FBXW8: variants seen among roughly 807,000 people sequenced by gnomAD.
FBXW8 encodes F-box/WD repeat-containing protein 8.
A neutral mutation model predicts 65.3 loss-of-function variants in FBXW8; 57 were observed. The ratio of observed to expected loss-of-function variants is 0.87; its 90% confidence interval spans 0.71 to 1.09. FBXW8 has a LOEUF of 1.09. FBXW8 is among the 50% of genes least tolerant of loss of function. The pLI, the probability that FBXW8 is intolerant of heterozygous loss-of-function variation, is 0.00. For missense variants in FBXW8, 777 were observed against 814.8 expected, an observed-to-expected ratio of 0.95 and a Z score of 0.57; for synonymous variants, 308 against 330.2, an observed-to-expected ratio of 0.93 and a Z score of 0.73.
chr12:116,926,952 T>C (rs1342354059), intron 1 of FBXW8, among the ~76,000 whole-genome samples: 2 of 152,084 alleles, frequency 1.3e-5, no homozygotes, highest in African/African-American at 4.8e-5. Context: ...TTTTTTTTTG[T>C]TTTGAGACAG....
At position 116,992,441 on chromosome 12, in the gene FBXW8, G is replaced by A. The variant is rs11068279; in HGVS notation, c.1239+3572G>A. 8.8e-3 allele frequency among the ~76,000 whole-genome samples: 1,280 copies of A among 146,082 alleles called. 57 individuals are homozygous for A. The South Asian group carries it at 0.11, about 12-fold the overall frequency. On this transcript the variant is annotated intron_variant, in intron 7 of 10. Transcript: ENST00000652555. ...CAGAGTTTTGTTTTTTTTTTAATTC[G>A]TTCTATTTCAGTAGCTTTAGAGGGG...
chr12:116,958,625 G>A (rs1345430305), intron 4 of FBXW8, among the ~76,000 whole-genome samples: 1 of 152,196 alleles, frequency 6.6e-6, no homozygotes, highest in Non-Finnish European at 1.5e-5. Context: ...AGAACACTCT[G>A]GGAGGTGTTA....
At chr12:116,926,283 G>T (rs1441087108) in intron 1 of FBXW8, among the ~76,000 whole-genome samples, 2 of 152,154 alleles carry the variant, frequency 1.3e-5, no homozygotes, top group African/African-American at 4.8e-5. Context: ...GCTTTTCCTT[G>T]CCTTTGTTCT....
At chr12:116,918,900 A>G (rs1188001073) in intron 1 of FBXW8, among the ~76,000 whole-genome samples, 1 of 152,214 alleles carries the variant, frequency 6.6e-6, no homozygotes. Context: ...TCCACTGGAG[A>G]TACATTTCAA....
At chr12:116,999,724 C>G (rs1953465049) in intron 7 of FBXW8, among the ~76,000 whole-genome samples, 2 of 152,146 alleles carry the variant, frequency 1.3e-5, no homozygotes, top group African/African-American at 4.8e-5. Context: ...GAGTCAGGCC[C>G]CATCTTAGCT....
intron 7 of FBXW8, among the ~76,000 whole-genome samples, chr12:116,995,399 G>A (rs1376982688): frequency 6.6e-6 from 1 of 152,190 alleles, no homozygotes; most frequent in Non-Finnish European, 1.5e-5. Context: ...TGGCTGTGGA[G>A]TTGTGTTGAG....
At chr12:116,970,286 T>A (rs1018854709) in intron 5 of FBXW8, among the ~76,000 whole-genome samples, 2 of 152,148 alleles carry the variant, frequency 1.3e-5, no homozygotes, top group Admixed American at 6.5e-5. Context: ...AGAGACGCGA[T>A]CTGGTGCATA....
At chr12:116,933,443 G>A (rs1248306208) in intron 2 of FBXW8, among the ~76,000 whole-genome samples, 1 of 152,214 alleles carries the variant, frequency 6.6e-6, no homozygotes, top group African/African-American at 2.4e-5. Flanking sequence ...TGGAAGAAGA[G>A]ATCCCCTTTT....
At chr12:117,022,718 CAGGTCTGACCG>C (rs1272798270) in intron 8 of FBXW8, among the ~76,000 whole-genome samples, 1 of 152,130 alleles carries the variant, frequency 6.6e-6, no homozygotes, top group Non-Finnish European at 1.5e-5. Context: ...TTTGTTTTTC[CAGGTCTGACCG>C]AACACTGAGT....
chr12:116,930,328 G>A (rs1881672607), intron 2 of FBXW8, among the ~76,000 whole-genome samples: 1 of 152,128 alleles, frequency 6.6e-6, no homozygotes, highest in South Asian at 2.1e-4. Flanking sequence ...GCCAGCACTT[G>A]TTTTGTCTTT....
intron 8 of FBXW8, among the ~76,000 whole-genome samples, chr12:117,013,878 A>G (rs1223131047): frequency 6.6e-6 from 1 of 152,122 alleles, no homozygotes; most frequent in Non-Finnish European, 1.5e-5. Context: ...TCACTAAGGA[A>G]AAGTCTGCAG....
intron 1 of FBXW8, among the ~76,000 whole-genome samples, chr12:116,922,045 G>T (rs184742055): frequency 2.7e-4 from 41 of 151,980 alleles, no homozygotes; most frequent in Middle Eastern, 6.8e-3. Context: ...ACCTGGGCTG[G>T]TCTTGAACTC....
At chr12:116,937,494 G>C (rs999276527) in intron 2 of FBXW8, among the ~76,000 whole-genome samples, 9 of 152,202 alleles carry the variant, frequency 5.9e-5, no homozygotes, top group African/African-American at 1.7e-4. Context: ...GTCGTTCCTT[G>C]GGACCATGGG....
intron 8 of FBXW8, among the ~76,000 whole-genome samples, chr12:117,011,127 C>CTTTTTTTTTTTT (rs397946872): frequency 2.5e-5 from 3 of 122,176 alleles, no homozygotes; most frequent in African/African-American, 3.6e-5. Context: ...TTTTCTTTTC[C>CTTTTTTTTTTTT]TTTTTTTTTT....
Position 117,011,472 on chromosome 12 carries a change from G to A in FBXW8, c.1367+1022G>A, listed in dbSNP as rs529995551. On this transcript the variant is annotated intron_variant, in intron 8 of 10. Transcript: ENST00000652555. The stretch of plus-strand genomic sequence containing the variant: ...GAAGAAAAATAAGGCCTCCTAAAAT[G>A]GCTGATGTTCCGGTGCTTGAGAACT... 8.6e-4 allele frequency among the ~76,000 whole-genome samples: 131 copies of A among 152,332 alleles called. 4 individuals are homozygous for A. In the South Asian group the frequency reaches 0.026, roughly 30 times the overall value.
rs1040769490 is a variant in FBXW8 at position 117,029,319 on chromosome 12, A to T, written c.*1147A>T. ...CTAGGAATTGACTCCAATGCAGAAT[A>T]GTGAGAAATCAACAAAAAGCAAAAT... is the stretch of plus-strand genomic sequence containing the variant. On this transcript the variant is annotated 3_prime_UTR_variant, in exon 11 of 11. Coordinates refer to ENST00000652555, the MANE Select transcript of FBXW8 (RefSeq NM_153348.3). 1 of 152,252 alleles carries T rather than the reference A, an allele frequency of 6.6e-6. No homozygotes were observed. Among genetic ancestry groups the T allele is most frequent in the Non-Finnish European group, 1.5e-5 (1 of 68,058 alleles). 9.4% of individuals were successfully genotyped at this position (152,252 alleles called of 1,614,324 possible).
chr12:117,021,303 A>AT (rs1437175125), intron 8 of FBXW8, among the ~76,000 whole-genome samples: 14 of 152,222 alleles, frequency 9.2e-5, no homozygotes, highest in Non-Finnish European at 1.3e-4. Context: ...TGTCGATTTA[A>AT]TAATGGGTTG....
intron 8 of FBXW8, among the ~76,000 whole-genome samples, chr12:117,011,160 G>A (rs1302183357): frequency 1.8e-4 from 18 of 102,238 alleles, no homozygotes; most frequent in African/African-American, 2.8e-4. Context: ...TATCTGCTGT[G>A]TCTGATCCAG....
chr12:116,965,032 T>G (rs751398793), intron 5 of FBXW8, among the ~76,000 whole-genome samples, 178 bp downstream of exon 5: 7 of 152,238 alleles, frequency 4.6e-5, no homozygotes, highest in Non-Finnish European at 1.0e-4. Context: ...CAACCGTCAA[T>G]GCATTAGTAG....
Sources: allele counts gnomAD v4.1 joint callset (sites outside exome capture counted in the v4.1 genomes callset), GRCh38; gene constraint gnomAD v4.1.1; transcripts MANE v1.5; gene names NCBI Gene and HGNC (gene_info 2026-07-23, HGNC 2026-07-21).